Variants in MAP3K9 observed in about 807,000 individuals in gnomAD.
The protein encoded by MAP3K9 is mixed lineage kinase 1 (tyr and ser/thr specificity).
MAP3K9 carries 46 observed loss-of-function variants against 95.8 expected under a neutral mutation model. The observed-to-expected ratio is 0.48, with a 90% CI of 0.38 to 0.61. The LOEUF (loss-of-function observed/expected upper bound fraction) is 0.61. MAP3K9 is among the 20% of genes least tolerant of loss of function. The pLI, the probability that MAP3K9 is intolerant of heterozygous loss-of-function variation, is 0.00. For missense variants in MAP3K9, 1,296 were observed against 1,474.3 expected (o/e 0.88, Z 1.98); for synonymous variants, 533 against 593.8 (o/e 0.90, Z 1.49).
chr14:70,808,830 G>A lies in MAP3K9; in HGVS notation c.342C>T (p.Arg114=). 2 of 1,597,072 alleles carry A rather than the reference G, an allele frequency of 1.3e-6. No homozygotes were observed. The highest frequency in any genetic ancestry group is 8.5e-7 in the Non-Finnish European group (1 of 1,174,568). Residue 114 remains arginine, a synonymous_variant, in exon 1 of 12, where the codon CGC becomes CGT. Transcript: ENST00000554752. ...GCTGGCAGCGGCTGGAGAAGGCGCT[G>A]CGCGGGGTCACGTAGTTGCTGGGGA... ...GIFPSNYVTP[R]SAFSSRCQPG...
At position 70,742,537 on chromosome 14, in the gene MAP3K9, G is replaced by C. The variant is rs931040989; in HGVS notation, c.1381C>G (p.Gln461Glu). ...LTRAALQQKNQEELLRRREQE... is the reference protein window; with the variant it reads ...LTRAALQQKNEEELLRRREQE... ...TCCCGACGCCGCAGCAGTTCCTCCT[G>C]GTTCTTCTGCTGCAGTGCAGCCCGC... Residue 461 changes from glutamine to glutamate, a missense_variant, in exon 6 of 12, where the codon CAG becomes GAG. Around this residue, in one of 5 missense-constraint regions of MAP3K9, gnomAD observed 377 missense variants for 417.1 expected, o/e 0.90. Coordinates refer to ENST00000554752, the MANE Select transcript of MAP3K9 (RefSeq NM_001284230.2). 1 of 1,614,200 alleles carries C rather than the reference G, an allele frequency of 6.2e-7. No homozygotes were observed. Among genetic ancestry groups the C allele is most frequent in the Non-Finnish European group, 8.5e-7 (1 of 1,180,038 alleles).
chr14:70,791,649 CTT>C (rs991253920), intron 2 of MAP3K9, among the ~76,000 whole-genome samples: 9 of 152,240 alleles, frequency 5.9e-5, no homozygotes, highest in African/African-American at 1.7e-4. Flanking sequence ...TCCCTTTCCA[CTT>C]TGTCTCCACT....
chr14:70,782,636 G>T (rs756624426), intron 2 of MAP3K9, among the ~76,000 whole-genome samples: 6 of 152,174 alleles, frequency 3.9e-5, no homozygotes, highest in Non-Finnish European at 8.8e-5. Context: ...GTAAGAGCAG[G>T]GAGGAACCAA....
chr14:70,724,469 G>C lies in MAP3K9; in HGVS notation c.*5911C>G, dbSNP rs574097870. ...ACCTAAGCCCCTCTCACAGGTCCAG[G>C]TGAGGGGCAGGCAGGGCTGGGTATA... is the stretch of plus-strand genomic sequence containing the variant. On this transcript the variant is annotated 3_prime_UTR_variant, in exon 12 of 12. Transcript: ENST00000554752. The C allele has an allele frequency of 6.6e-6, 1 of 152,240 alleles. No individual in the cohort carries two copies. The highest frequency in any genetic ancestry group is 1.9e-4 in the East Asian group (1 of 5,188). The allele number at this position is 152,240 out of a possible 1,614,324, so 9.4% of individuals were successfully genotyped here.
chr14:70,790,159 T>TGCTCAG (rs1406756739), intron 2 of MAP3K9, among the ~76,000 whole-genome samples: 1 of 152,158 alleles, frequency 6.6e-6, no homozygotes, highest in Non-Finnish European at 1.5e-5. Context: ...AGGCCATCTG[T>TGCTCAG]CATGCCCTGA....
intron 7 of MAP3K9, chr14:70,739,809 T>A: frequency 7.4e-7 from 1 of 1,353,638 alleles, no homozygotes. Flanking sequence ...TACCCACAAA[T>A]CCCTTTGCTG....
rs1483855404 is a variant in MAP3K9 at position 70,742,588 on chromosome 14, G to A, written c.1330C>T (p.Leu444Phe). ...GTCAGCTCCTCCTCCCAGGTGCGAA[G>A]TTCCTGCAGGATGGGCAGAACCATC... is the stretch of plus-strand genomic sequence containing the variant. ...FDQLRAKEKELRTWEEELTRA... is the reference protein window; with the variant it reads ...FDQLRAKEKEFRTWEEELTRA... Residue 444 changes from leucine (L) to phenylalanine (F), a missense_variant, in exon 6 of 12, where the codon CTT becomes TTT. By Grantham distance (22) the Leu-to-Phe change is conservative. Coordinates refer to ENST00000554752, the MANE Select transcript of MAP3K9 (RefSeq NM_001284230.2). The A allele has an allele frequency of 7.4e-6, 12 of 1,613,830 alleles. No homozygotes were observed. Among genetic ancestry groups the A allele is most frequent in the Non-Finnish European group, 1.0e-5 (12 of 1,179,854 alleles).
At chr14:70,783,349 C>G (rs994170529) in intron 2 of MAP3K9, 7 of 985,020 alleles carry the variant, frequency 7.1e-6, no homozygotes, top group African/African-American at 1.7e-5. Context: ...TTCATATGAT[C>G]CACAGCAACG....
Position 70,808,943 on chromosome 14 carries a change from C to T in MAP3K9, c.229G>A (p.Asp77Asn), listed in dbSNP as rs2055030657. 4.4e-6 allele frequency: 7 copies of T among 1,580,588 alleles called. No homozygotes were observed. Among genetic ancestry groups the T allele is most frequent in the Non-Finnish European group, 6.0e-6 (7 of 1,169,622 alleles). The stretch of plus-strand genomic sequence containing the variant: ...TCCTTGGACAGCACCTCCACCACGT[C>T]GCCCAGCCGCAGGGTCAGCTCGTCC... Reference protein sequence around the residue: ...GEDELTLRLGDVVEVLSKDSQ... With the variant: ...GEDELTLRLGNVVEVLSKDSQ... The change falls in exon 1 of 12, where the codon GAC (aspartate) becomes AAC (asparagine). Residue 77 changes from aspartate (D) to asparagine (N), a missense_variant. This residue lies in a region of MAP3K9 where 338 missense variants were observed against 363.4 expected (regional missense o/e 0.93). Coordinates refer to ENST00000554752, the MANE Select transcript of MAP3K9 (RefSeq NM_001284230.2).
chr14:70,785,813 G>C (rs992165628), intron 2 of MAP3K9, among the ~76,000 whole-genome samples: 1 of 152,196 alleles, frequency 6.6e-6, no homozygotes, highest in African/African-American at 2.4e-5. Flanking sequence ...GTGGGAAGGC[G>C]TGAGACTTCA....
intron 2 of MAP3K9, among the ~76,000 whole-genome samples, chr14:70,763,268 A>C (rs968588997): frequency 6.6e-6 from 1 of 152,240 alleles, no homozygotes; most frequent in African/African-American, 2.4e-5. Flanking sequence ...CATGCACCGC[A>C]TAATGACGTT....
chr14:70,724,838 T>A lies in MAP3K9; in HGVS notation c.*5542A>T, dbSNP rs1003530404. 2.6e-5 allele frequency: 4 copies of A among 152,122 alleles called. No homozygotes were observed. The highest frequency in any genetic ancestry group is 4.4e-5 in the Non-Finnish European group (3 of 68,036). 9.4% of individuals were successfully genotyped at this position (152,122 alleles called of 1,614,324 possible). ...TGGGTTCAGAATGCCCAGACGTCTA[T>A]CCCTCATGTTCCGGTAGGAGAGGCC... On this transcript the variant is annotated 3_prime_UTR_variant, in exon 12 of 12. Coordinates refer to ENST00000554752, the MANE Select transcript of MAP3K9 (RefSeq NM_001284230.2).
At chr14:70,753,784 A>G (rs1358166059) in intron 3 of MAP3K9, among the ~76,000 whole-genome samples, 1 of 152,136 alleles carries the variant, frequency 6.6e-6, no homozygotes, top group Admixed American at 6.6e-5. Context: ...CCACCTCCCG[A>G]GGCTTGGTAA....
At chr14:70,804,470 GT>G (rs1397529983) in intron 1 of MAP3K9, among the ~76,000 whole-genome samples, 1 of 152,092 alleles carries the variant, frequency 6.6e-6, no homozygotes, top group Non-Finnish European at 1.5e-5. Context: ...GAACATTCAT[GT>G]TTTTCTAGCA....
chr14:70,728,837 C>CA lies in MAP3K9; in HGVS notation c.*1542dup, dbSNP rs1223157496. ...GGAACCTGCTGAGTGACCTCCAAGACAAAAGACAGTGGAGCAGCATTCAGA... is the reference window on the plus strand; with the variant it reads ...GGAACCTGCTGAGTGACCTCCAAGACAAAAAGACAGTGGAGCAGCATTCAGA... On this transcript the variant is annotated 3_prime_UTR_variant, in exon 12 of 12. Coordinates refer to ENST00000554752, the MANE Select transcript of MAP3K9 (RefSeq NM_001284230.2). 1 of 152,138 alleles carries CA rather than the reference C, an allele frequency of 6.6e-6. No homozygotes were observed. The highest frequency in any genetic ancestry group is 1.5e-5 in the Non-Finnish European group (1 of 68,024). 9.4% of individuals were successfully genotyped at this position (152,138 alleles called of 1,614,324 possible).
chr14:70,793,485 A>C (rs1383048837), intron 2 of MAP3K9, among the ~76,000 whole-genome samples: 1 of 152,160 alleles, frequency 6.6e-6, no homozygotes, highest in Non-Finnish European at 1.5e-5. Context: ...CCAGGAGTTC[A>C]AGACCAGCCT....
intron 2 of MAP3K9, among the ~76,000 whole-genome samples, chr14:70,792,069 G>A (rs2139844614): frequency 6.6e-6 from 1 of 152,276 alleles, no homozygotes; most frequent in Non-Finnish European, 1.5e-5. Context: ...TCACCCGGCT[G>A]GTTATTTGCT....
Position 70,749,915 on chromosome 14 carries a change from A to T in MAP3K9, c.1150+18T>A, listed in dbSNP as rs887529983. On this transcript the variant is annotated intron_variant, in intron 4 of 11. Coordinates refer to ENST00000554752, the MANE Select transcript of MAP3K9 (RefSeq NM_001284230.2). ...AGGCAAAGTGTCTCCAGTTTGGTTCAGGCCAGGGCTTACTTACCTTCCATG... is the reference window on the plus strand; with the variant it reads ...AGGCAAAGTGTCTCCAGTTTGGTTCTGGCCAGGGCTTACTTACCTTCCATG... The T allele has an allele frequency of 5.0e-6, 8 of 1,613,860 alleles. No individual in the cohort carries two copies. The African/African-American group carries it at 9.3e-5, about 19-fold the overall frequency.
intron 2 of MAP3K9, among the ~76,000 whole-genome samples, chr14:70,795,548 G>C (rs370438427): frequency 2.6e-5 from 4 of 151,812 alleles, no homozygotes; most frequent in African/African-American, 9.7e-5. Flanking sequence ...CTAGGCTCAA[G>C]AGATCCGCCC....
Sources: gnomAD v4.1 joint callset for allele counts (sites outside exome capture counted in the v4.1 genomes callset) on GRCh38, gnomAD v4.1.1 for gene constraint, gnomAD v4.1.1 regional missense constraint, MANE v1.5 for transcripts, NCBI Gene and HGNC (gene_info 2026-07-23, HGNC 2026-07-21) for gene names.